CAND1: variants seen among roughly 807,000 people sequenced by gnomAD.
The protein encoded by CAND1 is cullin-associated NEDD8-dissociated protein 1.
CAND1 carries 7 observed loss-of-function variants against 108.5 expected under a neutral mutation model. That is an observed-to-expected ratio of 0.06 (90% CI 0.04 to 0.12). The LOEUF is 0.12. CAND1 is among the 10% of genes least tolerant of loss of function. The pLI is 1.00. For missense variants in CAND1, 941 were observed against 1,448.7 expected, an observed-to-expected ratio of 0.65 and a Z score of 5.69; for synonymous variants, 534 against 512.0, an observed-to-expected ratio of 1.04 and a Z score of -0.58.
At chr12:67,304,076 G>T (rs710629) in intron 8 of CAND1, among the ~76,000 whole-genome samples, 1 of 149,108 alleles carries the variant, frequency 6.7e-6, no homozygotes. Flanking sequence ...TGCAACCTCC[G>T]CCTCCTGGGT....
chr12:67,319,494 C>G lies in CAND1; in HGVS notation c.*6664C>G. 6.6e-6 allele frequency: 1 copy of G among 152,126 alleles called. No individual in the cohort carries two copies. 9.4% of individuals were successfully genotyped at this position (152,126 alleles called of 1,614,324 possible). A position where few individuals can be genotyped will look rare whatever the true frequency, so the allele number is the denominator to read the frequency against. ...GAAGAGGGCATAATCCAAGGGCCAA[C>G]TCCCATGTTTGGAACCTGACTCCAT... On this transcript the variant is annotated 3_prime_UTR_variant, in exon 15 of 15. Transcript: ENST00000545606.
Position 67,305,216 on chromosome 12 carries a change from C to G in CAND1, c.1548C>G (p.His516Gln), listed in dbSNP as rs137855240. ...ATTCTCCTCAAGTCTTCCATCCTCA[C>G]GTTCAGGCTTTGGTTCCTCCAGTGG... ...CNHSPQVFHPHVQALVPPVVA... is the reference protein window; with the variant it reads ...CNHSPQVFHPQVQALVPPVVA... The change falls in exon 10 of 15, where the codon CAC (histidine) becomes CAG (glutamine). Residue 516 changes from histidine (H) to glutamine (Q), a missense_variant. By Grantham distance (24) the His-to-Gln change is conservative. Around this residue, in one of 9 missense-constraint regions of CAND1, gnomAD observed 697 missense variants for 942.0 expected, o/e 0.74. Transcript: ENST00000545606. This position sits in a 1 kb window ranked among gnomAD's most constrained non-coding sequence, Gnocchi z 4.4. 1 of 1,614,162 alleles carries G rather than the reference C, an allele frequency of 6.2e-7. No individual in the cohort carries two copies. Among genetic ancestry groups the G allele is most frequent in the Non-Finnish European group, 8.5e-7 (1 of 1,180,032 alleles).
In CAND1 at chr12:67,314,078, TC is replaced by T. The variant is rs2044983065; in HGVS notation, c.*1250del. The T allele has an allele frequency of 6.6e-6, 1 of 152,280 alleles. No individual in the cohort carries two copies. Among genetic ancestry groups the T allele is most frequent in the Non-Finnish European group, 1.5e-5 (1 of 67,992 alleles). 9.4% of individuals were successfully genotyped at this position (152,280 alleles called of 1,614,324 possible). A position where few individuals can be genotyped will look rare whatever the true frequency, so the allele number is the denominator to read the frequency against. ...GAGCTCATTTCACACTGTAGCCTCT[TC>T]CTTAAAATTTGTGGTGCTCCTGTAA... On this transcript the variant is annotated 3_prime_UTR_variant, in exon 15 of 15. Coordinates refer to ENST00000545606, the MANE Select transcript of CAND1 (RefSeq NM_018448.5).
intron 2 of CAND1, among the ~76,000 whole-genome samples, chr12:67,283,601 T>TGTTA (rs1205856934): frequency 1.4e-5 from 2 of 145,720 alleles, no homozygotes; most frequent in Admixed American, 1.4e-4. Flanking sequence ...AAAAAAAAGG[T>TGTTA]GTTATAGAAT....
chr12:67,301,162 A>C (rs933954696), intron 7 of CAND1, among the ~76,000 whole-genome samples: 4 of 152,242 alleles, frequency 2.6e-5, no homozygotes, highest in Admixed American at 6.5e-5. Context: ...CTTTATTTGA[A>C]TAGATATTGG....
At chr12:67,300,884 G>GT (rs1273650768) in intron 7 of CAND1, among the ~76,000 whole-genome samples, 2 of 151,906 alleles carry the variant, frequency 1.3e-5, no homozygotes. Flanking sequence ...TTTGAATTTT[G>GT]TTTTTTTGTG....
chr12:67,270,146 G>C lies in CAND1; in HGVS notation c.68+361G>C, dbSNP rs943830158. ...TGGAGAAGGGAGTTGCTCTAGGCCG[G>C]GAGACCGGGCGCCGGGCCTATTCGC... On this transcript the variant is annotated intron_variant, in intron 1 of 14. Transcript: ENST00000545606. 13 of 205,166 alleles carry C rather than the reference G, an allele frequency of 6.3e-5. No homozygotes were observed. In the East Asian group the frequency reaches 1.6e-3, roughly 25 times the overall value. The allele number at this position is 205,166 out of a possible 1,614,324, so 12.7% of individuals were successfully genotyped here.
chr12:67,308,547 G>C (rs2136020372), intron 11 of CAND1, among the ~76,000 whole-genome samples: 1 of 152,164 alleles, frequency 6.6e-6, no homozygotes, highest in South Asian at 2.1e-4. Flanking sequence ...TACTCAGCCA[G>C]GTAGTTAGCA....
At position 67,319,718 on chromosome 12, in the gene CAND1, T is replaced by C. The variant is rs2045041800; in HGVS notation, c.*6888T>C. ...TGCCAACGTAGTTCCAGTTTCTGTATCTAAAGACTCAGCTTGGAGTCACTT... is the reference window on the plus strand; with the variant it reads ...TGCCAACGTAGTTCCAGTTTCTGTACCTAAAGACTCAGCTTGGAGTCACTT... On this transcript the variant is annotated 3_prime_UTR_variant, in exon 15 of 15. Coordinates refer to ENST00000545606, the MANE Select transcript of CAND1 (RefSeq NM_018448.5). 6.6e-6 allele frequency: 1 copy of C among 152,202 alleles called. No individual in the cohort carries two copies. Among genetic ancestry groups the C allele is most frequent in the Non-Finnish European group, 1.5e-5 (1 of 68,048 alleles). 9.4% of individuals were successfully genotyped at this position (152,202 alleles called of 1,614,324 possible).
chr12:67,286,787 T>C (rs1478733854), intron 2 of CAND1, among the ~76,000 whole-genome samples: 1 of 152,240 alleles, frequency 6.6e-6, no homozygotes, highest in Non-Finnish European at 1.5e-5. Flanking sequence ...GATTTTAGCT[T>C]TACTTTTAGT....
At chr12:67,304,178 CAG>C (rs1265959859) in intron 8 of CAND1, among the ~76,000 whole-genome samples, 1 of 151,932 alleles carries the variant, frequency 6.6e-6, no homozygotes, top group East Asian at 1.9e-4. Context: ...TTAATAGAGA[CAG>C]GGTTTCACCA....
rs17781675 is a variant in CAND1, at chr12:67,305,756, G to A, written c.2088G>A (p.Glu696=). The change falls in exon 10 of 15, where the codon GAG becomes GAA. Residue 696 remains glutamate (E), a synonymous_variant. Transcript: ENST00000545606. The surrounding 1 kb of genome is among the most constrained non-coding windows in gnomAD (Gnocchi z 4.4). Reference sequence around the variant, plus strand: ...CCATGATTGATGCAGTTCTAGATGAGCTCCCACCTCTTATCAGCGAAAGTG... The same window carrying A: ...CCATGATTGATGCAGTTCTAGATGAACTCCCACCTCTTATCAGCGAAAGTG... ...TAAMIDAVLD[E]LPPLISESDM... 0.05 allele frequency: 80,602 copies of A among 1,614,046 alleles called. 2,289 individuals are homozygous for A. The highest frequency in any genetic ancestry group is 0.072 in the Middle Eastern group (435 of 6,062).
Position 67,307,349 on chromosome 12 carries a change from GT to G in CAND1, c.2930-44del, listed in dbSNP as rs775495234. 3 of 1,340,160 alleles carry G rather than the reference GT, an allele frequency of 2.2e-6. No homozygotes were observed. The African/African-American group carries it at 4.3e-5, about 19-fold the overall frequency. The allele number at this position is 1,340,160 out of a possible 1,614,324, so 83.0% of individuals were successfully genotyped here. The stretch of plus-strand genomic sequence containing the variant: ...AGTGGTTTAAAAATGATGTCCGTGA[GT>G]TTTAGTGGACTACATACCAATAGAC... On this transcript the variant is annotated intron_variant, in intron 10 of 14. Transcript: ENST00000545606.
chr12:67,294,676 G>A (rs2044752454), intron 3 of CAND1, among the ~76,000 whole-genome samples: 1 of 152,128 alleles, frequency 6.6e-6, no homozygotes, highest in Non-Finnish European at 1.5e-5. Context: ...GCTGACATCT[G>A]TATTGTTTTC....
chr12:67,276,779 T>C (rs2044573786), intron 1 of CAND1, among the ~76,000 whole-genome samples: 2 of 152,230 alleles, frequency 1.3e-5, no homozygotes, highest in African/African-American at 4.8e-5. Flanking sequence ...GGTTTAGTTA[T>C]GAGTCTCAGA....
chr12:67,271,390 G>A (rs568112399), intron 1 of CAND1, among the ~76,000 whole-genome samples: 2 of 152,282 alleles, frequency 1.3e-5, no homozygotes, highest in South Asian at 2.1e-4. Flanking sequence ...TCCTGTAAAG[G>A]TGGTAAATTT....
rs1300541391 is a variant in CAND1, at chr12:67,282,474, C to G, written c.212+421C>G. 1.3e-5 allele frequency among the ~76,000 whole-genome samples: 2 copies of G among 151,928 alleles called. 1 individual carries two copies. Among genetic ancestry groups the G allele is most frequent in the South Asian group, 4.2e-4 (2 of 4,804 alleles). On this transcript the variant is annotated intron_variant, in intron 2 of 14. Transcript: ENST00000545606. Reference sequence around the variant, plus strand: ...CTTTTTTTTTAAGGCAGGGTCTCACCTTGTCTCCCAGGTGAGAGTGCAGTG... The same window carrying G: ...CTTTTTTTTTAAGGCAGGGTCTCACGTTGTCTCCCAGGTGAGAGTGCAGTG...
chr12:67,283,756 A>T (rs1745233415), intron 2 of CAND1, among the ~76,000 whole-genome samples: 1 of 152,170 alleles, frequency 6.6e-6, no homozygotes, highest in Non-Finnish European at 1.5e-5. Context: ...TTAAAAAAGT[A>T]ATCTTTGTCC....
intron 7 of CAND1, 140 bp from the exon 8 acceptor site, chr12:67,302,183 G>A (rs1181078989): frequency 1.5e-6 from 1 of 662,216 alleles, no homozygotes; most frequent in African/African-American, 1.8e-5. Flanking sequence ...TTCTAGTTCT[G>A]TTGAAACCTA....
Sources: allele counts gnomAD v4.1 joint callset (sites outside exome capture counted in the v4.1 genomes callset), GRCh38; gene constraint gnomAD v4.1.1; regional missense constraint gnomAD v4.1.1; non-coding constraint Gnocchi (gnomAD v3.1); transcripts MANE v1.5; gene names NCBI Gene and HGNC (gene_info 2026-07-23, HGNC 2026-07-21).